SNX29: variants seen among roughly 807,000 people sequenced by gnomAD.
The protein encoded by SNX29 is sorting nexin-29.
In SNX29, 78 loss-of-function variants were observed where a neutral mutation model predicts 102.1. The observed-to-expected ratio is 0.76, with a 90% CI of 0.64 to 0.92. The LOEUF is 0.92. SNX29 is among the 40% of genes least tolerant of loss of function. The pLI is 0.00. For synonymous variants in SNX29, 580 were observed against 414.5 expected (o/e 1.40, Z -4.85); for missense variants, 1,280 against 1,061.7 (o/e 1.21, Z -2.86).
chr16:12,169,597 C>A (rs143369057), intron 13 of SNX29, among the ~76,000 whole-genome samples: 1 of 152,148 alleles, frequency 6.6e-6, no homozygotes, highest in Non-Finnish European at 1.5e-5. Flanking sequence ...TTGTGGCTCA[C>A]GCCTGTAATC....
At chr16:12,552,443 G>C (rs776312223) in intron 20 of SNX29, among the ~76,000 whole-genome samples, 2 of 152,208 alleles carry the variant, frequency 1.3e-5, no homozygotes, top group Non-Finnish European at 2.9e-5. Flanking sequence ...GAGAGCTGGA[G>C]TGAAATACCT....
intron 18 of SNX29, among the ~76,000 whole-genome samples, chr16:12,453,235 A>G (rs974526983): frequency 1.8e-4 from 27 of 152,336 alleles, no homozygotes; most frequent in Non-Finnish European, 2.2e-4. Context: ...GACGTGGCCA[A>G]TCAATCACAG....
chr16:12,447,218 C>A (rs1256809043), intron 18 of SNX29, among the ~76,000 whole-genome samples: 1 of 142,966 alleles, frequency 7.0e-6, no homozygotes, highest in Non-Finnish European at 1.5e-5. Context: ...TGCTACAGAC[C>A]AGCACCATTT....
chr16:11,985,229 G>T (rs1201825357), intron 1 of SNX29, among the ~76,000 whole-genome samples: 1 of 152,012 alleles, frequency 6.6e-6, no homozygotes, highest in Admixed American at 6.6e-5. Context: ...AGAAATTTGG[G>T]GTTCAACATT....
intron 18 of SNX29, among the ~76,000 whole-genome samples, chr16:12,414,147 T>G (rs11075069): frequency 0.098 from 14,868 of 152,240 alleles, 1,204 homozygotes; most frequent in African/African-American, 0.21. Flanking sequence ...TTTGAGTATT[T>G]GTAATCTGTG....
intron 12 of SNX29, 54 bp from the exon 13 acceptor site, chr16:12,129,576 C>T (rs1411958893): frequency 7.1e-6 from 11 of 1,555,234 alleles, no homozygotes; most frequent in Non-Finnish European, 8.7e-6. Flanking sequence ...GTGTCCTGGG[C>T]TCAGTGGGGT....
intron 19 of SNX29, among the ~76,000 whole-genome samples, chr16:12,518,430 C>T (rs1448426822): frequency 2.6e-5 from 4 of 152,206 alleles, no homozygotes; most frequent in Non-Finnish European, 4.4e-5. Flanking sequence ...CTGTTCTTTC[C>T]ACTTGGCATG....
At chr16:12,537,984 CAAAAA>C (rs33931845) in intron 20 of SNX29, among the ~76,000 whole-genome samples, 156 of 128,056 alleles carry the variant, frequency 1.2e-3, no homozygotes, top group African/African-American at 2.1e-3. Context: ...AACTCCGTTT[CAAAAA>C]AAAAAAAAAA....
chr16:12,508,457 C>T (rs918511574), intron 19 of SNX29, among the ~76,000 whole-genome samples: 6 of 152,166 alleles, frequency 3.9e-5, no homozygotes, highest in African/African-American at 1.4e-4. Context: ...TCTGGATGGC[C>T]TGTAGATATA....
chr16:12,439,419 C>G (rs1463148086), intron 18 of SNX29, among the ~76,000 whole-genome samples: 2 of 152,112 alleles, frequency 1.3e-5, no homozygotes, highest in Non-Finnish European at 2.9e-5. Context: ...AAAGACATAC[C>G]AGAGACCGGG....
chr16:12,570,417 C>G lies in SNX29; in HGVS notation c.*1788C>G, dbSNP rs1028578704. The G allele has an allele frequency of 1.1e-5, 3 of 261,426 alleles. No individual in the cohort carries two copies. Among genetic ancestry groups the G allele is most frequent in the East Asian group, 6.0e-5 (1 of 16,610 alleles). The allele number at this position is 261,426 out of a possible 1,614,324, so 16.2% of individuals were successfully genotyped here. A position where few individuals can be genotyped will look rare whatever the true frequency, so the allele number is the denominator to read the frequency against. ...CCAGAGTGCACATCAGCTCACATGA[C>G]TGGCAACTCTAAATAGAGAGCCCTA... On this transcript the variant is annotated 3_prime_UTR_variant, in exon 21 of 21. Coordinates refer to ENST00000566228, the MANE Select transcript of SNX29 (RefSeq NM_032167.5).
chr16:12,048,949 C>T (rs1305984981), intron 7 of SNX29, among the ~76,000 whole-genome samples: 5 of 152,122 alleles, frequency 3.3e-5, no homozygotes, highest in East Asian at 1.9e-4. Flanking sequence ...GTGTGTTAGG[C>T]GGTGAGCCGA....
At chr16:11,981,453 A>G (rs763640235) in intron 1 of SNX29, among the ~76,000 whole-genome samples, 9 of 151,988 alleles carry the variant, frequency 5.9e-5, no homozygotes, top group Admixed American at 2.0e-4. Context: ...TTTTTAAACT[A>G]CAGGCTGCCC....
At chr16:12,220,620 G>C (rs1047873169) in intron 14 of SNX29, among the ~76,000 whole-genome samples, 1 of 152,200 alleles carries the variant, frequency 6.6e-6, no homozygotes, top group Admixed American at 6.5e-5. Flanking sequence ...GTGCACATCA[G>C]AGACTGGATT....
chr16:12,234,201 A>T (rs1028623313), intron 14 of SNX29, among the ~76,000 whole-genome samples: 1 of 152,062 alleles, frequency 6.6e-6, no homozygotes, highest in African/African-American at 2.4e-5. Flanking sequence ...CTCACCAAAC[A>T]CTTGTTATTG....
At chr16:12,208,950 G>C (rs1230761976) in intron 14 of SNX29, among the ~76,000 whole-genome samples, 1 of 152,134 alleles carries the variant, frequency 6.6e-6, no homozygotes, top group Non-Finnish European at 1.5e-5. Context: ...AGCTTTGTTA[G>C]GGGCTGGTAG....
chr16:12,367,138 T>C (rs967415260), intron 16 of SNX29: 6 of 152,216 alleles, frequency 3.9e-5, no homozygotes, highest in Admixed American at 2.0e-4. Context: ...GATGAGTGTT[T>C]CTGGAGCACT....
intron 11 of SNX29, among the ~76,000 whole-genome samples, chr16:12,079,690 A>C (rs912856783): frequency 6.6e-6 from 1 of 152,178 alleles, no homozygotes; most frequent in Admixed American, 6.5e-5. Context: ...CCGGTGGTTA[A>C]GGAGATGTGA....
intron 13 of SNX29, among the ~76,000 whole-genome samples, chr16:12,151,282 CA>C (rs1198995059): frequency 6.7e-6 from 1 of 148,680 alleles, no homozygotes; most frequent in African/African-American, 2.5e-5. Flanking sequence ...TACAGTAAGA[CA>C]AAAAAATTAT....
Sources: allele counts gnomAD v4.1 joint callset (sites outside exome capture counted in the v4.1 genomes callset), GRCh38; gene constraint gnomAD v4.1.1; transcripts MANE v1.5; gene names NCBI Gene and HGNC (gene_info 2026-07-23, HGNC 2026-07-21).